TMEM123: variants seen among roughly 807,000 people sequenced by gnomAD.
TMEM123 encodes the protein porimin.
Under a neutral mutation model 19.7 loss-of-function variants are expected in TMEM123, and 16 were observed. The ratio of observed to expected loss-of-function variants is 0.81; its 90% CI spans 0.55 to 1.23. TMEM123 has a LOEUF of 1.23. TMEM123 is among the 50% of genes most tolerant of loss of function. TMEM123 has a pLI of 0.00. For synonymous variants in TMEM123, 118 were observed against 99.4 expected (o/e 1.19, Z -1.12); for missense variants, 313 against 257.8 (o/e 1.21, Z -1.47).
rs768201066 is a variant in TMEM123, at chr11:102,452,552, C to T, written c.72G>A (p.Gly24=). ...CCATGGCTGCGCTTTCATGGGCGGC[C>T]CCCAGCAGCGCTAGCACCTGCAGCG... ...LGTLQVLALL[G]AAHESAAMAA... Residue 24 remains glycine (G), a synonymous_variant, in exon 1 of 5, where the codon GGG becomes GGA. Transcript: ENST00000398136. 8.9e-6 allele frequency: 14 copies of T among 1,567,514 alleles called. No individual in the cohort carries two copies. Among genetic ancestry groups the T allele is most frequent in the Non-Finnish European group, 1.2e-5 (14 of 1,161,308 alleles).
rs1236802618 is a variant in TMEM123 at position 102,432,852 on chromosome 11, G to A, written c.157+15960C>T. ...CTTCAGCTCCAGCCATGGCTAAAAG[G>A]GGTCAAAGTACAGCTCAGGCCATTG... On this transcript the variant is annotated intron_variant, in intron 2 of 4. Transcript: ENST00000398136. 1.3e-5 allele frequency among the ~76,000 whole-genome samples: 2 copies of A among 152,152 alleles called. 1 individual carries two copies. Among genetic ancestry groups the A allele is most frequent in the Non-Finnish European group, 2.9e-5 (2 of 67,984 alleles).
chr11:102,432,328 C>A (rs1857720028), intron 2 of TMEM123, among the ~76,000 whole-genome samples: 1 of 152,136 alleles, frequency 6.6e-6, no homozygotes, highest in East Asian at 1.9e-4. Flanking sequence ...GTGATATGGA[C>A]AATGAAGTCC....
At chr11:102,412,150 C>T (rs1273910122) in intron 2 of TMEM123, among the ~76,000 whole-genome samples, 2 of 152,162 alleles carry the variant, frequency 1.3e-5, no homozygotes, top group East Asian at 3.8e-4. Context: ...CAAATAGAGG[C>T]CAGGCACGGT....
At chr11:102,400,060 T>C (rs768585907) in intron 4 of TMEM123, among the ~76,000 whole-genome samples, 2 of 152,268 alleles carry the variant, frequency 1.3e-5, no homozygotes, top group East Asian at 3.8e-4. Context: ...TATGATGCGA[T>C]GTTTATTTAG....
chr11:102,417,157 A>G (rs1048088319), intron 2 of TMEM123, among the ~76,000 whole-genome samples: 8 of 152,154 alleles, frequency 5.3e-5, no homozygotes, highest in African/African-American at 1.2e-4. Flanking sequence ...CAAGAGAAAG[A>G]AATAACAGGA....
intron 2 of TMEM123, among the ~76,000 whole-genome samples, chr11:102,413,276 CA>C (rs1165553001): frequency 2.6e-5 from 4 of 152,126 alleles, no homozygotes; most frequent in African/African-American, 9.7e-5. Context: ...TAATCCACAC[CA>C]AGAGAAAGAA....
intron 1 of TMEM123, among the ~76,000 whole-genome samples, chr11:102,451,861 A>G (rs1857943158): frequency 6.6e-6 from 1 of 152,216 alleles, no homozygotes; most frequent in Admixed American, 6.5e-5. Flanking sequence ...AACGCTGCGC[A>G]GCTGCCGCGC....
At chr11:102,451,827 C>T (rs371618896) in intron 1 of TMEM123, among the ~76,000 whole-genome samples, 12 of 152,254 alleles carry the variant, frequency 7.9e-5, no homozygotes, top group Admixed American at 2.0e-4. Flanking sequence ...CAAGGGCCAC[C>T]GGCGACCGTG....
intron 2 of TMEM123, among the ~76,000 whole-genome samples, chr11:102,409,310 T>C (rs956042735): frequency 6.6e-6 from 1 of 152,170 alleles, no homozygotes; most frequent in Non-Finnish European, 1.5e-5. Context: ...TGAGTAAATT[T>C]AAGAACTCTT....
At chr11:102,401,730 T>G in intron 3 of TMEM123, 38 bp from the exon 4 acceptor site, 1 of 302,916 alleles carries the variant, frequency 3.3e-6, no homozygotes, top group Non-Finnish European at 5.1e-6. Context: ...TTTAGCGTTA[T>G]TTTTTTTTTT....
intron 2 of TMEM123, among the ~76,000 whole-genome samples, chr11:102,447,748 T>A (rs1197309584): frequency 2.0e-5 from 3 of 152,202 alleles, no homozygotes; most frequent in Non-Finnish European, 4.4e-5. Context: ...TGAAAACGTT[T>A]TCTGTAGAAT....
chr11:102,410,289 A>C (rs1447685868), intron 2 of TMEM123, among the ~76,000 whole-genome samples: 1 of 152,158 alleles, frequency 6.6e-6, no homozygotes, highest in African/African-American at 2.4e-5. Context: ...ACATAGCCTG[A>C]AAGGTGATCC....
chr11:102,411,900 G>T (rs1392622144), intron 2 of TMEM123, among the ~76,000 whole-genome samples: 7 of 152,162 alleles, frequency 4.6e-5, no homozygotes, highest in Non-Finnish European at 1.0e-4. Flanking sequence ...GGCACCCAAG[G>T]TATGTCTGAA....
intron 2 of TMEM123, among the ~76,000 whole-genome samples, chr11:102,444,604 G>T (rs999481632): frequency 4.6e-5 from 7 of 151,852 alleles, no homozygotes; most frequent in African/African-American, 1.7e-4. Context: ...CGAGTTGACG[G>T]GTGCAGCACA....
intron 2 of TMEM123, among the ~76,000 whole-genome samples, chr11:102,428,395 G>C (rs537568103): frequency 9.9e-4 from 151 of 152,072 alleles, no homozygotes; most frequent in Non-Finnish European, 1.9e-3. Context: ...TCCACCTCCA[G>C]GGTTTAAGCA....
chr11:102,398,897 ATATAT>A lies in TMEM123; in HGVS notation c.603-11_603-7del. On this transcript the variant is annotated splice_polypyrimidine_tract_variant and splice_region_variant and intron_variant, in intron 4 of 4. Coordinates refer to ENST00000398136, the MANE Select transcript of TMEM123 (RefSeq NM_052932.3). The stretch of plus-strand genomic sequence containing the variant: ...TGATGGCATCATGTTCATCTCTGTA[ATATAT>A]TAAAAGTTACAATTACTTTGTTTTG... 1 of 1,608,328 alleles carries A rather than the reference ATATAT, an allele frequency of 6.2e-7. No homozygotes were observed. Among genetic ancestry groups the A allele is most frequent in the Non-Finnish European group, 8.5e-7 (1 of 1,178,104 alleles).
chr11:102,446,678 G>T (rs78939000), intron 2 of TMEM123, among the ~76,000 whole-genome samples: 2 of 152,250 alleles, frequency 1.3e-5, no homozygotes, highest in Non-Finnish European at 2.9e-5. Flanking sequence ...ATAAATCATA[G>T]ATTTCACTCT....
chr11:102,435,218 T>C (rs1454609456), intron 2 of TMEM123, among the ~76,000 whole-genome samples: 1 of 151,854 alleles, frequency 6.6e-6, no homozygotes, highest in Non-Finnish European at 1.5e-5. Context: ...TGTATTATCT[T>C]TATAATCACA....
At chr11:102,405,428 T>G (rs1014242369) in intron 2 of TMEM123, among the ~76,000 whole-genome samples, 1 of 152,162 alleles carries the variant, frequency 6.6e-6, no homozygotes, top group Non-Finnish European at 1.5e-5. Flanking sequence ...AATATCCAAG[T>G]AGGTAATACA....
Sources: allele counts gnomAD v4.1 joint callset (sites outside exome capture counted in the v4.1 genomes callset), GRCh38; gene constraint gnomAD v4.1.1; transcripts MANE v1.5; gene names NCBI Gene and HGNC (gene_info 2026-07-23, HGNC 2026-07-21).